Variants in FAM210A observed in about 807,000 individuals in gnomAD.
FAM210A encodes family with sequence similarity 210 member A.
FAM210A carries 13 observed loss-of-function variants against 25.3 expected under a neutral mutation model. The ratio of observed to expected loss-of-function variants is 0.51; its 90% CI spans 0.33 to 0.82. The LOEUF is 0.82. Among genes scored for constraint, FAM210A ranks in the 40% least tolerant of loss-of-function variants. The probability of loss-of-function intolerance (pLI) is 0.02; values close to 1 mark genes in which losing one functional copy is unlikely to be tolerated. For synonymous variants in FAM210A, 125 were observed against 118.7 expected, an observed-to-expected ratio of 1.05 and a Z score of -0.35; for missense variants, 319 against 323.2, an observed-to-expected ratio of 0.99 and a Z score of 0.10.
At chr18:13,721,811 T>C (rs1568491067) in intron 1 of FAM210A, among the ~76,000 whole-genome samples, 1 of 152,190 alleles carries the variant, frequency 6.6e-6, no homozygotes, top group Admixed American at 6.5e-5. Flanking sequence ...ACTTTGAGTG[T>C]CCTGGAATTA....
At chr18:13,677,879 T>A (rs2043518847) in intron 2 of FAM210A, among the ~76,000 whole-genome samples, 1 of 152,192 alleles carries the variant, frequency 6.6e-6, no homozygotes, top group Non-Finnish European at 1.5e-5. Context: ...GATGTCCTAC[T>A]CTGTGACTTC....
intron 1 of FAM210A, among the ~76,000 whole-genome samples, chr18:13,714,378 G>C (rs998600917): frequency 6.6e-6 from 1 of 152,166 alleles, no homozygotes; most frequent in Admixed American, 6.6e-5. Flanking sequence ...GTCATTCTAG[G>C]TTAAAGTGGA....
intron 1 of FAM210A, among the ~76,000 whole-genome samples, chr18:13,718,101 G>A (rs1375423011): frequency 6.6e-6 from 1 of 152,158 alleles, no homozygotes; most frequent in Non-Finnish European, 1.5e-5. Flanking sequence ...TTGACACTTT[G>A]AGATGCTAAG....
At position 13,681,679 on chromosome 18, in the gene FAM210A, A is replaced by G. The variant is rs2043554436; in HGVS notation, c.399T>C (p.Tyr133=). The G allele has an allele frequency of 6.2e-7, 1 of 1,614,156 alleles. No homozygotes were observed. Among genetic ancestry groups the G allele is most frequent in the East Asian group, 2.2e-5 (1 of 44,888 alleles). Residue 133 remains tyrosine (Y), a synonymous_variant, in exon 2 of 4, where the codon TAT becomes TAC. Transcript: ENST00000651643. ...GATGCACTGGAATCAGAACTTTTCC[A>G]TACTGTCTAAATGTCTTCTTGAATC... ...YQRFKKTFRQ[Y]GKVLIPVHLI... is the part of the protein sequence containing the mutation.
At chr18:13,701,358 T>TA (rs1448353820) in intron 1 of FAM210A, among the ~76,000 whole-genome samples, 1 of 152,236 alleles carries the variant, frequency 6.6e-6, no homozygotes. Flanking sequence ...ATCTGGTAAT[T>TA]AACTGGTTTG....
intron 1 of FAM210A, among the ~76,000 whole-genome samples, chr18:13,717,940 G>A (rs987984827): frequency 3.3e-5 from 5 of 152,200 alleles, no homozygotes; most frequent in Non-Finnish European, 7.3e-5. Context: ...ACGGGGAACA[G>A]CCTCTAGTCC....
chr18:13,704,148 A>G (rs2043760774), intron 1 of FAM210A, among the ~76,000 whole-genome samples: 1 of 151,972 alleles, frequency 6.6e-6, no homozygotes, highest in South Asian at 2.1e-4. Context: ...TAAAACTACT[A>G]AAAAAAATAG....
chr18:13,683,581 T>A lies in FAM210A; in HGVS notation c.-28-1476A>T, dbSNP rs1264249388. ...TGCAAGCCTTTTTTTTTTTTTTTTT[T>A]AAGAATTATAGAGACTTCCAGATAA... On this transcript the variant is annotated intron_variant, in intron 1 of 3. Coordinates refer to ENST00000651643, the MANE Select transcript of FAM210A (RefSeq NM_152352.4). 7.9e-5 allele frequency among the ~76,000 whole-genome samples: 10 copies of A among 126,320 alleles called. No individual in the cohort carries two copies. The East Asian group carries it at 1.9e-3, about 24-fold the overall frequency. The allele number at this position is 126,320 out of a possible 152,430, so 82.9% of individuals were successfully genotyped here.
chr18:13,685,759 ACTT>A (rs1448463525), intron 1 of FAM210A, among the ~76,000 whole-genome samples: 1 of 152,144 alleles, frequency 6.6e-6, no homozygotes, highest in African/African-American at 2.4e-5. Flanking sequence ...TGTTCTCAGA[ACTT>A]CTTGAGACTG....
At chr18:13,669,589 G>A (rs1271428489) in intron 3 of FAM210A, among the ~76,000 whole-genome samples, 1 of 152,040 alleles carries the variant, frequency 6.6e-6, no homozygotes, top group African/African-American at 2.4e-5. Context: ...CCCCATCCCT[G>A]GTTTCCTTTC....
chr18:13,679,870 C>T (rs1453575727), intron 2 of FAM210A, among the ~76,000 whole-genome samples: 2 of 152,176 alleles, frequency 1.3e-5, no homozygotes, highest in Admixed American at 1.3e-4. Flanking sequence ...AAATCTTAAG[C>T]ATTATTAAGA....
At chr18:13,671,563 T>G (rs1320628081) in intron 3 of FAM210A, among the ~76,000 whole-genome samples, 1 of 151,816 alleles carries the variant, frequency 6.6e-6, no homozygotes, top group Non-Finnish European at 1.5e-5. Flanking sequence ...TTTGTTATCT[T>G]GTTATCTCCC....
At chr18:13,721,684 C>T (rs958359452) in intron 1 of FAM210A, among the ~76,000 whole-genome samples, 1 of 152,110 alleles carries the variant, frequency 6.6e-6, no homozygotes, top group African/African-American at 2.4e-5. Context: ...CATCCTGGAA[C>T]TGGCAAAGTA....
intron 1 of FAM210A, among the ~76,000 whole-genome samples, chr18:13,697,033 CAT>C (rs2043700063): frequency 6.6e-6 from 1 of 152,170 alleles, no homozygotes; most frequent in South Asian, 2.1e-4. Context: ...AAAATATTTA[CAT>C]GTTACAATTG....
intron 1 of FAM210A, among the ~76,000 whole-genome samples, chr18:13,703,193 C>T (rs954983320): frequency 1.3e-5 from 2 of 152,208 alleles, no homozygotes; most frequent in African/African-American, 4.8e-5. Flanking sequence ...TCAGCAATTA[C>T]TTCACATTAT....
In FAM210A at chr18:13,666,607, T is replaced by TA. The variant is rs746502672; in HGVS notation, c.691dup (p.Tyr231LeufsTer23). 1 of 1,614,214 alleles carries TA rather than the reference T, an allele frequency of 6.2e-7. No individual in the cohort carries two copies. The highest frequency in any genetic ancestry group is 2.2e-5 in the East Asian group (1 of 44,878). On this transcript the variant is annotated frameshift_variant, in exon 4 of 4. Coordinates refer to ENST00000651643, the MANE Select transcript of FAM210A (RefSeq NM_152352.4). LOFTEE classifies it high-confidence loss of function. ...TGTCTCTTCCATCCTGTCCTGCAGA[T>TA]ACTCCTTGACGGGTGGCGGCGTGGA... is the stretch of plus-strand genomic sequence containing the variant.
intron 1 of FAM210A, among the ~76,000 whole-genome samples, chr18:13,687,037 G>A (rs1625446): frequency 0.89 from 135,646 of 152,256 alleles, 60,520 homozygotes; most frequent in East Asian, 0.95. Context: ...GTCAAATCCA[G>A]CAATGTCTAA....
chr18:13,685,779 A>G (rs989885757), intron 1 of FAM210A, among the ~76,000 whole-genome samples: 3 of 152,178 alleles, frequency 2.0e-5, no homozygotes, highest in Non-Finnish European at 4.4e-5. Context: ...ACTGCCTCAG[A>G]CCCTGGTCAC....
At chr18:13,691,275 T>A (rs1409371608) in intron 1 of FAM210A, among the ~76,000 whole-genome samples, 1 of 152,164 alleles carries the variant, frequency 6.6e-6, no homozygotes, top group Non-Finnish European at 1.5e-5. Context: ...CAAATCTACG[T>A]CTGATTGGTG....
Sources: allele counts gnomAD v4.1 joint callset (sites outside exome capture counted in the v4.1 genomes callset), GRCh38; gene constraint gnomAD v4.1.1; transcripts MANE v1.5; gene names NCBI Gene and HGNC (gene_info 2026-07-23, HGNC 2026-07-21).